The following NAALADL2 variants were observed in gnomAD, a reference collection of about 807,000 sequenced individuals.
NAALADL2 encodes N-acetylated alpha-linked acidic dipeptidase like 2.
Under a neutral mutation model 87.2 loss-of-function variants are expected in NAALADL2, and 76 were observed. The ratio of observed to expected loss-of-function variants is 0.87; its 90% confidence interval spans 0.72 to 1.05. NAALADL2 has a LOEUF of 1.05. Among genes scored for constraint, NAALADL2 ranks in the 50% least tolerant of loss-of-function variants. The probability of loss-of-function intolerance (pLI) is 0.00; values close to 1 mark genes in which losing one functional copy is unlikely to be tolerated. For missense variants in NAALADL2, 1,089 were observed against 945.8 expected (o/e 1.15, Z -1.99); for synonymous variants, 354 against 331.0 (o/e 1.07, Z -0.75).
chr3:175,698,502 T>TAG (rs1422235898), intron 11 of NAALADL2, among the ~76,000 whole-genome samples: 1 of 141,104 alleles, frequency 7.1e-6, no homozygotes, highest in Non-Finnish European at 1.5e-5. Context: ...TATATATATA[T>TAG]AAAATCTCCA....
chr3:175,613,456 A>G (rs1357107663), intron 10 of NAALADL2, among the ~76,000 whole-genome samples: 1 of 152,238 alleles, frequency 6.6e-6, no homozygotes, highest in East Asian at 1.9e-4. Flanking sequence ...AGTGTATTTT[A>G]TTCATGTCTG....
At chr3:175,133,796 A>G (rs1369368523) in intron 2 of NAALADL2, among the ~76,000 whole-genome samples, 2 of 152,092 alleles carry the variant, frequency 1.3e-5, no homozygotes, top group African/African-American at 4.8e-5. Context: ...CAGTGGAATT[A>G]TTTTCTTAAT....
At position 174,912,515 on chromosome 3, in the gene NAALADL2, C is replaced by G. The variant is rs187219660; in HGVS notation, c.43+53065C>G. 3.1e-3 allele frequency among the ~76,000 whole-genome samples: 466 copies of G among 152,216 alleles called. 2 individuals are homozygous for G. Among genetic ancestry groups the G allele is most frequent in the South Asian group, 0.011 (54 of 4,814 alleles). ...TCCTAGGTAACCAAAATGTGGTCAG[C>G]TAAAAGGTGTTTCTGTTTTCAATCT... On this transcript the variant is annotated intron_variant, in intron 1 of 13. Coordinates refer to ENST00000454872, the MANE Select transcript of NAALADL2 (RefSeq NM_207015.3).
At position 175,673,324 on chromosome 3, in the gene NAALADL2, A is replaced by C. The variant is rs146606108; in HGVS notation, c.1896+45938A>C. The stretch of plus-strand genomic sequence containing the variant: ...CAAATTAAGGGAGAGTCAGAGCATC[A>C]TCTTCAAACTAAATGGAGATCAATA... On this transcript the variant is annotated intron_variant, in intron 11 of 13. Coordinates refer to ENST00000454872, the MANE Select transcript of NAALADL2 (RefSeq NM_207015.3). Among the ~76,000 whole-genome samples, 596 of 152,280 alleles carry C rather than the reference A, an allele frequency of 3.9e-3. 14 individuals are homozygous for C. The highest frequency in any genetic ancestry group is 0.017 in the Middle Eastern group (5 of 294).
chr3:174,675,049 A>T (rs560496), intron 2 of NAALADL2, among the ~76,000 whole-genome samples: 1 of 151,872 alleles, frequency 6.6e-6, no homozygotes, highest in African/African-American at 2.4e-5. Context: ...GGTCTAACCT[A>T]ACCTTTTCTT....
At chr3:175,270,088 AC>A (rs1024248930) in intron 4 of NAALADL2, among the ~76,000 whole-genome samples, 4 of 152,224 alleles carry the variant, frequency 2.6e-5, no homozygotes. Context: ...AGGATTCCCA[AC>A]AACTGCCTGA....
At chr3:175,748,561 C>T (rs1746223053) in intron 12 of NAALADL2, among the ~76,000 whole-genome samples, 1 of 152,148 alleles carries the variant, frequency 6.6e-6, no homozygotes, top group Non-Finnish European at 1.5e-5. Context: ...CTGTGGTAAG[C>T]TCATCCATAG....
intron 1 of NAALADL2, among the ~76,000 whole-genome samples, chr3:175,052,286 T>C (rs1198912148): frequency 6.6e-6 from 1 of 152,214 alleles, no homozygotes; most frequent in East Asian, 1.9e-4. Context: ...CTCACAACCT[T>C]CCAGGTGGGT....
Position 174,925,927 on chromosome 3 carries a change from C to G in NAALADL2, c.43+66477C>G, listed in dbSNP as rs565650439. 2.6e-5 allele frequency among the ~76,000 whole-genome samples: 4 copies of G among 152,068 alleles called. No homozygotes were observed. The East Asian group carries it at 7.7e-4, about 29-fold the overall frequency. ...CTACTCTGAGCTAAAGAAGAAAGTT[C>G]GAACCAATCACAAAGAAGCTAAAAA... On this transcript the variant is annotated intron_variant, in intron 1 of 13. Coordinates refer to ENST00000454872, the MANE Select transcript of NAALADL2 (RefSeq NM_207015.3).
intron 2 of NAALADL2, among the ~76,000 whole-genome samples, chr3:174,634,361 A>T (rs1260726522): frequency 6.6e-6 from 1 of 152,168 alleles, no homozygotes; most frequent in Non-Finnish European, 1.5e-5. Context: ...ATCATCTAGT[A>T]AATGTAAGAG....
intron 2 of NAALADL2, among the ~76,000 whole-genome samples, chr3:175,224,742 T>C (rs1440327928): frequency 6.6e-6 from 1 of 152,218 alleles, no homozygotes; most frequent in Non-Finnish European, 1.5e-5. Flanking sequence ...CTCTTTTTTC[T>C]TTCTTCATGT....
intron 9 of NAALADL2, among the ~76,000 whole-genome samples, chr3:175,539,133 G>A (rs7637314): frequency 0.94 from 143,739 of 152,218 alleles, 67,903 homozygotes; most frequent in East Asian, 0.98. Flanking sequence ...AAGGGACCTC[G>A]GGAACATGTT....
intron 3 of NAALADL2, among the ~76,000 whole-genome samples, chr3:174,767,956 C>T (rs1383919519): frequency 6.6e-6 from 1 of 152,152 alleles, no homozygotes; most frequent in East Asian, 1.9e-4. Context: ...AATAGAGTAG[C>T]TGAAAATTTA....
intron 2 of NAALADL2, among the ~76,000 whole-genome samples, chr3:174,624,235 C>A (rs1721327846): frequency 6.6e-6 from 1 of 152,004 alleles, no homozygotes; most frequent in South Asian, 2.1e-4. Flanking sequence ...ACCCACAGAC[C>A]ATTTTAGAAT....
intron 10 of NAALADL2, among the ~76,000 whole-genome samples, chr3:175,608,916 T>C (rs1724173113): frequency 6.6e-6 from 1 of 151,930 alleles, no homozygotes; most frequent in Non-Finnish European, 1.5e-5. Context: ...ACAAAATAAA[T>C]GCTGATGTGT....
intron 11 of NAALADL2, among the ~76,000 whole-genome samples, chr3:175,654,080 C>T (rs1184804534): frequency 6.6e-6 from 1 of 152,168 alleles, no homozygotes; most frequent in African/African-American, 2.4e-5. Flanking sequence ...TGGATTTTAT[C>T]ATTTCCTTTC....
chr3:174,829,221 C>T lies in NAALADL2; in HGVS notation c.-9+91475C>T, dbSNP rs376952065. On this transcript the variant is annotated intron_variant, in intron 3 of 3. Coordinates refer to the NAALADL2 transcript ENST00000434257. ...TGCTGGTGCGCTGCACCCACTAACT[C>T]GTCATCTAGCATTAGGTATATCTCC... 1.3e-4 allele frequency among the ~76,000 whole-genome samples: 20 copies of T among 151,674 alleles called. No homozygotes were observed. The South Asian group carries it at 1.7e-3, about 13-fold the overall frequency.
chr3:174,853,395 A>AG (rs1725488276), intron 3 of NAALADL2, among the ~76,000 whole-genome samples: 1 of 150,318 alleles, frequency 6.7e-6, no homozygotes, highest in African/African-American at 2.4e-5. Flanking sequence ...AAAAAAAAAA[A>AG]ATAGATTTAC....
chr3:175,412,105 T>C (rs907133302), intron 5 of NAALADL2, among the ~76,000 whole-genome samples: 1 of 152,208 alleles, frequency 6.6e-6, no homozygotes, highest in African/African-American at 2.4e-5. Context: ...CACTTGACAG[T>C]CTGAATTCAA....
Sources: allele counts gnomAD v4.1 joint callset (sites outside exome capture counted in the v4.1 genomes callset), GRCh38; gene constraint gnomAD v4.1.1; transcripts MANE v1.5; gene names NCBI Gene and HGNC (gene_info 2026-07-23, HGNC 2026-07-21).